The following MAN2A1 variants were observed in gnomAD, a reference collection of about 807,000 sequenced individuals.
MAN2A1 encodes mannosidase alpha class 2A member 1.
Under a neutral mutation model 142.6 loss-of-function variants are expected in MAN2A1, and 76 were observed. The observed-to-expected ratio is 0.53, with a 90% CI of 0.44 to 0.65. The LOEUF is 0.65. Among genes scored for constraint, MAN2A1 ranks in the 30% least tolerant of loss-of-function variants. The pLI is 0.00. For synonymous variants in MAN2A1, 559 were observed against 473.2 expected (o/e 1.18, Z -2.35); for missense variants, 1,311 against 1,365.1 (o/e 0.96, Z 0.62).
chr5:109,812,981 C>G (rs1203656880), intron 12 of MAN2A1, among the ~76,000 whole-genome samples: 1 of 152,074 alleles, frequency 6.6e-6, no homozygotes, highest in Non-Finnish European at 1.5e-5. Flanking sequence ...TTTTAAAGTG[C>G]ACTTATAAAG....
intron 3 of MAN2A1, among the ~76,000 whole-genome samples, chr5:109,724,976 C>T (rs1751702488): frequency 1.3e-5 from 2 of 151,744 alleles, no homozygotes; most frequent in East Asian, 1.9e-4. Context: ...TTTCCTAGTC[C>T]TTTTGGCTAT....
chr5:109,709,176 GT>G (rs1751226132), intron 1 of MAN2A1, among the ~76,000 whole-genome samples: 1 of 147,888 alleles, frequency 6.8e-6, no homozygotes, highest in East Asian at 2.0e-4. Flanking sequence ...GAAGCACAGA[GT>G]TTGACTTTTT....
intron 7 of MAN2A1, 123 bp from the exon 8 acceptor site, chr5:109,774,665 T>C (rs1399776038): frequency 3.5e-5 from 24 of 693,122 alleles, no homozygotes; most frequent in African/African-American, 3.7e-5. Context: ...AGATAAAATA[T>C]ACAGTTTCTT....
intron 16 of MAN2A1, among the ~76,000 whole-genome samples, chr5:109,841,980 G>A (rs1208950760): frequency 6.6e-6 from 1 of 152,176 alleles, no homozygotes; most frequent in Non-Finnish European, 1.5e-5. Context: ...GTGCAGATGA[G>A]AAGTGGACTG....
At chr5:109,709,148 GT>G (rs1254925368) in intron 1 of MAN2A1, among the ~76,000 whole-genome samples, 84 of 137,806 alleles carry the variant, frequency 6.1e-4, no homozygotes, top group African/African-American at 2.2e-3. Flanking sequence ...ATCACATGGG[GT>G]TAAGCACAGG....
intron 12 of MAN2A1, among the ~76,000 whole-genome samples, chr5:109,792,964 A>G (rs969046610): frequency 6.6e-6 from 1 of 152,102 alleles, no homozygotes. Context: ...CTAGCTTTGG[A>G]AGTCCTAGAA....
At chr5:109,861,792 G>A (rs1755766691) in intron 20 of MAN2A1, among the ~76,000 whole-genome samples, 2 of 152,162 alleles carry the variant, frequency 1.3e-5, no homozygotes, top group Non-Finnish European at 2.9e-5. Context: ...CACTGAAAAT[G>A]TGAGGGAATA....
intron 1 of MAN2A1, among the ~76,000 whole-genome samples, chr5:109,710,470 G>A (rs1436903459): frequency 2.6e-5 from 4 of 151,732 alleles, no homozygotes; most frequent in Admixed American, 6.6e-5. Flanking sequence ...TATTAAGTTT[G>A]TAGTATTATA....
At chr5:109,723,543 C>T (rs1751662720) in intron 3 of MAN2A1, among the ~76,000 whole-genome samples, 1 of 152,244 alleles carries the variant, frequency 6.6e-6, no homozygotes, top group East Asian at 1.9e-4. Context: ...CAGAATTTTG[C>T]AGTGGTCTCA....
intron 8 of MAN2A1, 126 bp downstream of exon 8, chr5:109,775,091 T>C: frequency 1.6e-6 from 1 of 641,622 alleles, no homozygotes; most frequent in Non-Finnish European, 2.6e-6. Context: ...ATAATTCTTG[T>C]GTAAAATATA....
intron 5 of MAN2A1, among the ~76,000 whole-genome samples, chr5:109,759,890 T>C (rs1380368899): frequency 6.6e-6 from 1 of 152,026 alleles, no homozygotes; most frequent in African/African-American, 2.4e-5. Flanking sequence ...TGGCCAGTGG[T>C]ATACCCTATT....
chr5:109,853,233 T>C (rs2112770951), intron 19 of MAN2A1, among the ~76,000 whole-genome samples: 1 of 152,248 alleles, frequency 6.6e-6, no homozygotes, highest in South Asian at 2.1e-4. Flanking sequence ...ATGTCTGGGG[T>C]GGCACTTCCC....
chr5:109,700,100 A>C (rs1648763941), intron 1 of MAN2A1, among the ~76,000 whole-genome samples: 1 of 152,022 alleles, frequency 6.6e-6, no homozygotes, highest in African/African-American at 2.4e-5. Flanking sequence ...CCTGATATGT[A>C]GTTTTTGTTT....
chr5:109,859,210 G>T (rs1755695935), intron 20 of MAN2A1, among the ~76,000 whole-genome samples: 1 of 152,218 alleles, frequency 6.6e-6, no homozygotes, highest in Non-Finnish European at 1.5e-5. Flanking sequence ...TCAGTGCTGT[G>T]TGTGGCCTCA....
At chr5:109,832,362 G>A (rs993046820) in intron 16 of MAN2A1, among the ~76,000 whole-genome samples, 4 of 151,606 alleles carry the variant, frequency 2.6e-5, no homozygotes, top group Non-Finnish European at 4.4e-5. Context: ...TGAGATTAGG[G>A]AGTGGTGATG....
At position 109,738,092 on chromosome 5, in the gene MAN2A1, G is replaced by A. The variant is rs377753206; in HGVS notation, c.707+8579G>A. On this transcript the variant is annotated intron_variant, in intron 4 of 21. Coordinates refer to ENST00000261483, the MANE Select transcript of MAN2A1 (RefSeq NM_002372.4). ...TTCTTGGAGACTAAATTGTGCATAA[G>A]CAAGGCAAAATTTATTTCCTCATGT... is the stretch of plus-strand genomic sequence containing the variant. Among the ~76,000 whole-genome samples, 177 of 152,206 alleles carry A rather than the reference G, an allele frequency of 1.2e-3. 1 individual carries two copies. The highest frequency in any genetic ancestry group is 0.011 in the South Asian group (54 of 4,830).
chr5:109,720,643 A>T (rs2112571486), intron 3 of MAN2A1, among the ~76,000 whole-genome samples: 1 of 152,370 alleles, frequency 6.6e-6, no homozygotes, highest in East Asian at 1.9e-4. Context: ...CTTGGGCCAC[A>T]CATAAAATAC....
chr5:109,793,513 A>C (rs1174321691), intron 12 of MAN2A1, among the ~76,000 whole-genome samples: 1 of 152,094 alleles, frequency 6.6e-6, no homozygotes, highest in African/African-American at 2.4e-5. Flanking sequence ...TCTATGTGAA[A>C]ATGTGGTATC....
Position 109,771,141 on chromosome 5 carries a change from G to A in MAN2A1, c.1196+600G>A, listed in dbSNP as rs374119160. ...TTTAGAAGAAAATTGTGCTAATGAT[G>A]GAAGCATCTCATTAAACCAACTTAC... On this transcript the variant is annotated intron_variant, in intron 7 of 21. Transcript: ENST00000261483. Among the ~76,000 whole-genome samples, 545 of 152,092 alleles carry A rather than the reference G, an allele frequency of 3.6e-3. 5 individuals carry two copies. The highest frequency in any genetic ancestry group is 0.013 in the African/African-American group (527 of 41,474).
Sources: allele counts gnomAD v4.1 joint callset (sites outside exome capture counted in the v4.1 genomes callset), GRCh38; gene constraint gnomAD v4.1.1; transcripts MANE v1.5; gene names NCBI Gene and HGNC (gene_info 2026-07-23, HGNC 2026-07-21).